SACM1L: variants seen among roughly 807,000 people sequenced by gnomAD.
SACM1L encodes the protein phosphatidylinositol-3-phosphatase SAC1.
A neutral mutation model predicts 89.5 loss-of-function variants in SACM1L; 32 were observed. That is an observed-to-expected ratio of 0.36 (90% CI 0.27 to 0.48). SACM1L has a LOEUF of 0.48. Ranked by LOEUF, SACM1L falls within the 20% of genes least tolerant of loss-of-function variation. SACM1L has a pLI of 0.99. For synonymous variants in SACM1L, 213 were observed against 232.8 expected (o/e 0.92, Z 0.77); for missense variants, 543 against 708.5 (o/e 0.77, Z 2.65).
intron 1 of SACM1L, among the ~76,000 whole-genome samples, chr3:45,701,941 C>T (rs1698283332): frequency 6.6e-6 from 1 of 152,112 alleles, no homozygotes; most frequent in Admixed American, 6.6e-5. Context: ...TACCAAATAG[C>T]CATCAACAAA....
chr3:45,721,938 G>T (rs1698797483), intron 8 of SACM1L, 62 bp from the exon 9 acceptor site: 4 of 1,077,038 alleles, frequency 3.7e-6, no homozygotes, highest in East Asian at 2.4e-5. Flanking sequence ...TGAATTAGTG[G>T]GTTTCTGATG....
chr3:45,703,467 A>C lies in SACM1L; in HGVS notation c.62A>C (p.Glu21Ala). Reference sequence around the variant, plus strand: ...ATCACACCTGAAAAATTTTATGTGGAAGCTTGTGATGATGGAGCAGATGAC... The same window carrying C: ...ATCACACCTGAAAAATTTTATGTGGCAGCTTGTGATGATGGAGCAGATGAC... Reference protein sequence around the residue: ...LHITPEKFYVEACDDGADDVL... With the variant: ...LHITPEKFYVAACDDGADDVL... Residue 21 changes from glutamate (E) to alanine (A), a missense_variant, in exon 2 of 20, where the codon GAA becomes GCA. Glu to Ala is a moderately radical substitution (Grantham distance 107). Coordinates refer to ENST00000389061, the MANE Select transcript of SACM1L (RefSeq NM_014016.5). 1 of 1,612,972 alleles carries C rather than the reference A, an allele frequency of 6.2e-7. No homozygotes were observed. Among genetic ancestry groups the C allele is most frequent in the Non-Finnish European group, 8.5e-7 (1 of 1,179,164 alleles).
chr3:45,701,130 G>C (rs1372295740), intron 1 of SACM1L, among the ~76,000 whole-genome samples: 1 of 151,850 alleles, frequency 6.6e-6, no homozygotes. Flanking sequence ...ATTAAACCTG[G>C]GTTTTAAAAA....
At chr3:45,735,892 T>G (rs1699187710) in intron 14 of SACM1L, among the ~76,000 whole-genome samples, 1 of 152,170 alleles carries the variant, frequency 6.6e-6, no homozygotes, top group Non-Finnish European at 1.5e-5. Context: ...CTTGAGAAAG[T>G]GTCTGGCTCT....
In SACM1L at chr3:45,731,500, C is replaced by G. The variant is rs1302260028; in HGVS notation, c.1001+120C>G. ...GCTTGCATTTTTTTCAATAGTAGAT[C>G]AAAGCATGATATTTTGTTGGCTTGA... On this transcript the variant is annotated intron_variant, in intron 12 of 19. Transcript: ENST00000389061. 1.7e-5 allele frequency: 9 copies of G among 523,210 alleles called. No homozygotes were observed. The East Asian group carries it at 2.8e-4, about 16-fold the overall frequency. The allele number at this position is 523,210 out of a possible 1,614,324, so 32.4% of individuals were successfully genotyped here. A position where few individuals can be genotyped will look rare whatever the true frequency, so the allele number is the denominator to read the frequency against.
Position 45,738,844 on chromosome 3 carries a change from A to G in SACM1L, c.1540A>G (p.Ser514Gly). 6.2e-7 allele frequency: 1 copy of G among 1,610,372 alleles called. No individual in the cohort carries two copies. Among genetic ancestry groups the G allele is most frequent in the Non-Finnish European group, 8.5e-7 (1 of 1,177,034 alleles). Residue 514 changes from serine to glycine, a missense_variant, in exon 18 of 20, where the codon AGT (serine) becomes GGT (glycine). Around this residue, in one of 2 missense-constraint regions of SACM1L, gnomAD observed 370 missense variants for 527.6 expected, o/e 0.70. Coordinates refer to ENST00000389061, the MANE Select transcript of SACM1L (RefSeq NM_014016.5). ...TGAATTAGAATCTCATAGTCCTTTA[A>G]GTGTTCCAAGGGACTGGAAATTCCT... The part of the protein sequence containing the change: ...VDELESHSPL[S>G]VPRDWKFLAL...
rs1437405569 is a variant in SACM1L, at chr3:45,745,114, C to T, written c.*1445C>T. On this transcript the variant is annotated 3_prime_UTR_variant, in exon 20 of 20. Transcript: ENST00000389061. ...CAATAGGGTAAGTAAATATAGCCAC[C>T]TGTTAACATGTAAATAAGCATAATT... is the stretch of plus-strand genomic sequence containing the variant. The T allele has an allele frequency of 6.6e-6, 1 of 152,210 alleles. No individual in the cohort carries two copies. The highest frequency in any genetic ancestry group is 1.5e-5 in the Non-Finnish European group (1 of 68,018). 9.4% of individuals were successfully genotyped at this position (152,210 alleles called of 1,614,324 possible). A position where few individuals can be genotyped will look rare whatever the true frequency, so the allele number is the denominator to read the frequency against.
At chr3:45,719,419 TTAGGA>T in intron 7 of SACM1L, 76 bp from the exon 8 acceptor site, 1 of 733,700 alleles carries the variant, frequency 1.4e-6, no homozygotes. Context: ...AAGACCATCA[TTAGGA>T]TAGATAGATG....
intron 11 of SACM1L, 69 bp downstream of exon 11, chr3:45,723,612 T>G (rs574415358): frequency 3.8e-6 from 3 of 779,288 alleles, no homozygotes; most frequent in Non-Finnish European, 5.7e-6. Context: ...ATTTACTATT[T>G]TAACCATTTT....
At position 45,731,355 on chromosome 3, in the gene SACM1L, T is replaced by A. The variant is rs746210380; in HGVS notation, c.976T>A (p.Ser326Thr). 6.2e-7 allele frequency: 1 copy of A among 1,613,366 alleles called. No homozygotes were observed. The highest frequency in any genetic ancestry group is 8.5e-7 in the Non-Finnish European group (1 of 1,179,454). The change falls in exon 12 of 20, where the codon TCT becomes ACT. Residue 326 changes from serine to threonine, a missense_variant. By Grantham distance (58) the Ser-to-Thr change is moderately conservative (BLOSUM62 1). This residue lies in a region of SACM1L where 370 missense variants were observed against 527.6 expected (regional missense o/e 0.70). Transcript: ENST00000389061. ...TGAGCAGACATTTGCAACAATGGTG[T>A]CTTCCTTGGGAAGTGGAATGATGAG... The part of the protein sequence containing the change: ...PLEQTFATMV[S>T]SLGSGMMRYI...
chr3:45,725,493 C>T (rs191682737), intron 11 of SACM1L, among the ~76,000 whole-genome samples: 31 of 151,808 alleles, frequency 2.0e-4, no homozygotes, highest in Admixed American at 1.6e-3. Context: ...TTGTACTTTC[C>T]TTTTTGGATA....
chr3:45,716,413 G>A (rs1246739963), intron 7 of SACM1L, among the ~76,000 whole-genome samples: 2 of 152,188 alleles, frequency 1.3e-5, no homozygotes, highest in Admixed American at 6.5e-5. Flanking sequence ...AAGCTTCAGT[G>A]AGCTATGATC....
chr3:45,735,451 A>T (rs1699177775), intron 14 of SACM1L, 78 bp downstream of exon 14: 2 of 1,383,558 alleles, frequency 1.4e-6, no homozygotes. Context: ...AGTAACAAAA[A>T]ATATTCACAT....
intron 16 of SACM1L, 77 bp from the exon 17 acceptor site, chr3:45,738,501 T>G (rs1032460978): frequency 2.5e-5 from 21 of 823,990 alleles, no homozygotes; most frequent in Non-Finnish European, 3.9e-5. Flanking sequence ...TTTCTATACC[T>G]TATGCTTATT....
intron 1 of SACM1L, among the ~76,000 whole-genome samples, chr3:45,701,964 C>G (rs903953828): frequency 2.0e-5 from 3 of 152,126 alleles, no homozygotes; most frequent in South Asian, 4.1e-4. Flanking sequence ...AATGGATCAA[C>G]AAATTATGAT....
intron 1 of SACM1L, among the ~76,000 whole-genome samples, chr3:45,694,595 G>C (rs1401111429): frequency 6.6e-6 from 1 of 152,156 alleles, no homozygotes; most frequent in Non-Finnish European, 1.5e-5. Context: ...GTTAGTGCTA[G>C]GCTACATCAA....
Position 45,689,507 on chromosome 3 carries a change from A to G in SACM1L, c.32+10A>G. 2.5e-6 allele frequency: 4 copies of G among 1,575,188 alleles called. No individual in the cohort carries two copies. The highest frequency in any genetic ancestry group is 3.4e-6 in the Non-Finnish European group (4 of 1,161,382). On this transcript the variant is annotated intron_variant, in intron 1 of 19. Transcript: ENST00000389061. ...ACGAGCAGCTGAAGCTGTGAGTCCC[A>G]CGGGCCAGAGGCCTGAGGCGCGGCG...
At chr3:45,708,349 A>G (rs1325338227) in intron 4 of SACM1L, among the ~76,000 whole-genome samples, 2 of 152,166 alleles carry the variant, frequency 1.3e-5, no homozygotes, top group Non-Finnish European at 2.9e-5. Flanking sequence ...AGAGATATAT[A>G]TACCTGTTGA....
chr3:45,725,328 TTTTA>T (rs138314585), intron 11 of SACM1L, among the ~76,000 whole-genome samples: 8,558 of 152,146 alleles, frequency 0.056, 344 homozygotes, highest in Middle Eastern at 0.086. Context: ...TCAGATGTCT[TTTTA>T]TTTATTTATG....
Sources: gnomAD v4.1 joint callset for allele counts (sites outside exome capture counted in the v4.1 genomes callset) on GRCh38, gnomAD v4.1.1 for gene constraint, gnomAD v4.1.1 regional missense constraint, MANE v1.5 for transcripts, NCBI Gene and HGNC (gene_info 2026-07-23, HGNC 2026-07-21) for gene names.